HCFC1: variants seen among roughly 807,000 people sequenced by gnomAD.
HCFC1 encodes host cell factor 1.
A neutral mutation model predicts 105.5 loss-of-function variants in HCFC1; 7 were observed. The ratio of observed to expected loss-of-function variants is 0.07; its 90% CI spans 0.04 to 0.12. The LOEUF (loss-of-function observed/expected upper bound fraction) is 0.12. Among genes scored for constraint, HCFC1 ranks in the 10% least tolerant of loss-of-function variants. HCFC1 has a pLI of 1.00. For synonymous variants in HCFC1, 918 were observed against 828.1 expected, an observed-to-expected ratio of 1.11 and a Z score of -1.86; for missense variants, 1,065 against 1,823.6, an observed-to-expected ratio of 0.58 and a Z score of 7.58.
At chrX:153,966,226 C>T (rs782477125) in intron 1 of HCFC1, among the ~76,000 whole-genome samples, 1 of 110,860 alleles carries the variant, frequency 9.0e-6, no homozygotes, top group African/African-American at 3.3e-5. Flanking sequence ...AACAAACAAA[C>T]AAAAAAAACA....
chrX:153,956,356 C>A lies in HCFC1; in HGVS notation c.2691G>T (p.Ala897=), dbSNP rs374223163. The change falls in exon 16 of 26, where the codon GCG becomes GCT. Residue 897 remains alanine (A), a synonymous_variant. Coordinates refer to ENST00000310441, the MANE Select transcript of HCFC1 (RefSeq NM_005334.3). ...GGGAAGCACTAGTGCTGTGGCCCCCCGCCCCGGCAAGGCTGGTGGAGACGG... is the reference window on the plus strand; with the variant it reads ...GGGAAGCACTAGTGCTGTGGCCCCCAGCCCCGGCAAGGCTGGTGGAGACGG... ...TGTVSTSLAG[A]GGHSTSASLA... 1 of 1,210,831 alleles carries A rather than the reference C, an allele frequency of 8.3e-7. No individual in the cohort carries two copies. Among genetic ancestry groups the A allele is most frequent in the Non-Finnish European group, 1.1e-6 (1 of 895,227 alleles).
Position 153,958,269 on chromosome X carries a change from G to C in HCFC1, c.1804-20C>G. 3 of 1,161,597 alleles carry C rather than the reference G, an allele frequency of 2.6e-6. No homozygotes were observed. The highest frequency in any genetic ancestry group is 3.5e-6 in the Non-Finnish European group (3 of 850,756). On this transcript the variant is annotated intron_variant, in intron 10 of 25. Transcript: ENST00000310441. ...GCTCACCTGGAGGAGGCAGAGACGA[G>C]TGACAGGCCAGGCAAAGAAAGCGAT...
intron 1 of HCFC1, 89 bp downstream of exon 1, chrX:153,970,559 G>A (rs1298141930): frequency 2.9e-5 from 17 of 593,463 alleles, no homozygotes; most frequent in African/African-American, 5.1e-5. Flanking sequence ...GAGAGGGAGG[G>A]AGCAGATGGA....
At chrX:153,963,705 G>A (rs1374781780) in intron 3 of HCFC1, among the ~76,000 whole-genome samples, 2 of 112,867 alleles carry the variant, frequency 1.8e-5, no homozygotes, top group African/African-American at 6.4e-5. Flanking sequence ...ACAAAGCTGG[G>A]TATTATATGA....
chrX:153,964,937 C>T (rs911170527), intron 1 of HCFC1, among the ~76,000 whole-genome samples: 6 of 112,175 alleles, frequency 5.3e-5, no homozygotes, highest in African/African-American at 1.9e-4. Context: ...CCCTGCTTCT[C>T]GCCAAGGTCA....
At chrX:153,961,777 A>C in intron 5 of HCFC1, 129 bp from the exon 6 acceptor site, 1 of 510,986 alleles carries the variant, frequency 2.0e-6, no homozygotes. Context: ...GGATGCGTGA[A>C]GCCTCCTGAC....
intron 3 of HCFC1, 139 bp downstream of exon 3, chrX:153,963,983 GCT>G (rs2065452935): frequency 4.3e-6 from 2 of 465,190 alleles, no homozygotes; most frequent in African/African-American, 5.0e-5. Context: ...ATCCGGTGCC[GCT>G]CTCTCATTTA....
intron 1 of HCFC1, among the ~76,000 whole-genome samples, chrX:153,966,590 C>A (rs1312685034): frequency 8.9e-6 from 1 of 112,647 alleles, no homozygotes; most frequent in African/African-American, 3.2e-5. Flanking sequence ...GAGCTCCATG[C>A]AAGCTACCAG....
At chrX:153,952,265 A>C in intron 19 of HCFC1, 107 bp from the exon 20 acceptor site, 1 of 1,057,393 alleles carries the variant, frequency 9.5e-7, no homozygotes, top group Non-Finnish European at 1.2e-6. Flanking sequence ...TCCACCTCCT[A>C]CCGTGCTCCA....
At chrX:153,950,721 C>T in intron 23 of HCFC1, 92 bp downstream of exon 23, 3 of 982,797 alleles carry the variant, frequency 3.1e-6, no homozygotes, top group Non-Finnish European at 2.8e-6. Flanking sequence ...GACTCAAAAC[C>T]TAGCTCTCCT....
At chrX:153,964,016 AC>A in intron 3 of HCFC1, 107 bp downstream of exon 3, 1 of 658,113 alleles carries the variant, frequency 1.5e-6, no homozygotes, top group Non-Finnish European at 2.2e-6. Context: ...CGAGAAAGGG[AC>A]CCGGCCACGG....
Position 153,959,366 on chromosome X carries a change from G to T in HCFC1, c.1570C>A (p.Arg524=), listed in dbSNP as rs2065407537. 8.3e-7 allele frequency: 1 copy of T among 1,211,041 alleles called. No individual in the cohort carries two copies. The highest frequency in any genetic ancestry group is 1.1e-6 in the Non-Finnish European group (1 of 895,121). The part of the protein sequence containing the change: ...VTVTSLPAGV[R]MVVPTQSAQG... The stretch of plus-strand genomic sequence containing the variant: ...GCACTCTGTGTTGGCACAACCATCC[G>T]CACTCCGGCGGGAAGGGAGGTCACG... Residue 524 remains arginine, a synonymous_variant, in exon 9 of 26, where the codon CGG becomes AGG. Coordinates refer to ENST00000310441, the MANE Select transcript of HCFC1 (RefSeq NM_005334.3).
chrX:153,950,452 G>A lies in HCFC1; in HGVS notation c.5795C>T (p.Ser1932Leu). 8.3e-7 allele frequency: 1 copy of A among 1,206,960 alleles called. No homozygotes were observed. Residue 1932 changes from serine to leucine, a missense_variant, in exon 24 of 26, where the codon TCA becomes TTA. Ser to Leu is a moderately radical substitution (Grantham distance 145). Around this residue, in one of 17 missense-constraint regions of HCFC1, gnomAD observed 32 missense variants for 68.3 expected, o/e 0.47. Coordinates refer to ENST00000310441, the MANE Select transcript of HCFC1 (RefSeq NM_005334.3). ...GCTCTTGAGCTCGCCCCCAGCCTGT[G>A]AGCTCTGGATGGCCAGGTACACGGA... is the stretch of plus-strand genomic sequence containing the variant. ...EYSVYLAIQS[S>L]QAGGELKSST...
chrX:153,955,565 G>A, intron 16 of HCFC1, 23 bp from the exon 17 acceptor site: 1 of 1,157,290 alleles, frequency 8.6e-7, no homozygotes, highest in Non-Finnish European at 1.2e-6. Context: ...ACGAGGAGGA[G>A]AGTTAGTGCT....
chrX:153,961,698 G>T, intron 5 of HCFC1, 50 bp from the exon 6 acceptor site: 1 of 929,456 alleles, frequency 1.1e-6, no homozygotes, highest in Non-Finnish European at 1.5e-6. Context: ...TTGGTGCCAA[G>T]CTAGAGGCCA....
intron 16 of HCFC1, 49 bp from the exon 17 acceptor site, chrX:153,955,591 C>A (rs781809465): frequency 8.1e-5 from 90 of 1,104,919 alleles, no homozygotes; most frequent in Non-Finnish European, 1.1e-4. Flanking sequence ...TGGCTGTCTG[C>A]CTGTCCCTCC....
Position 153,957,524 on chromosome X carries a change from G to A in HCFC1, c.2143C>T (p.Pro715Ser). The A allele has an allele frequency of 1.7e-6, 2 of 1,199,381 alleles. No individual in the cohort carries two copies. The highest frequency in any genetic ancestry group is 2.3e-6 in the Non-Finnish European group (2 of 886,722). The stretch of plus-strand genomic sequence containing the variant: ...TTCAGGATTGTTCCCGCTGGCAGGG[G>A]CCCTTTGGTCTGAAAGGGGGAAGCA... ...PVTQIIQTKG[P>S]LPAGTILKLV... The change falls in exon 13 of 26, where the codon CCC (proline) becomes TCC (serine). Residue 715 changes from proline (P) to serine (S), a missense_variant. This residue lies in a region of HCFC1 where 137 missense variants were observed against 378.2 expected (regional missense o/e 0.36). Transcript: ENST00000310441.
At position 153,951,847 on chromosome X, in the gene HCFC1, T is replaced by C. The variant is rs1557112622; in HGVS notation, c.5254A>G (p.Thr1752Ala). Reference protein sequence around the residue: ...STVALLPSTATESLAPSNTFV... With the variant: ...STVALLPSTAAESLAPSNTFV... The stretch of plus-strand genomic sequence containing the variant: ...TTCGCCCTCAGTCGCTTACTCTCAG[T>C]GGCCGTTGAGGGCAGCAGCGCCACA... Residue 1752 changes from threonine to alanine, a missense_variant, in exon 20 of 26, where the codon ACT becomes GCT. Physicochemically the swap from Thr to Ala is moderately conservative, Grantham distance 58. Transcript: ENST00000310441. 2 of 1,192,536 alleles carry C rather than the reference T, an allele frequency of 1.7e-6. No individual in the cohort carries two copies. The highest frequency in any genetic ancestry group is 1.7e-5 in the African/African-American group (1 of 57,636).
At position 153,960,098 on chromosome X, in the gene HCFC1, C is replaced by T; in HGVS notation, c.1148G>A (p.Ser383Asn). The change falls in exon 8 of 26, where the codon AGC becomes AAC. Residue 383 changes from serine (S) to asparagine (N), a missense_variant. Ser to Asn is a conservative substitution (Grantham distance 46). This residue lies in a region of HCFC1 where 101 missense variants were observed against 155.1 expected (regional missense o/e 0.65). Coordinates refer to ENST00000310441, the MANE Select transcript of HCFC1 (RefSeq NM_005334.3). ...GTCGGCTGTTGCCACTGCCCCCCAG[C>T]TCACCTCCAGGGAGTTGGTGTTGGC... Reference protein sequence around the residue: ...VRANTNSLEVSWGAVATADSY... With the variant: ...VRANTNSLEVNWGAVATADSY... 1 of 1,211,662 alleles carries T rather than the reference C, an allele frequency of 8.3e-7. No homozygotes were observed. Among genetic ancestry groups the T allele is most frequent in the Non-Finnish European group, 1.1e-6 (1 of 895,343 alleles).
Sources: gnomAD v4.1 joint callset for allele counts (sites outside exome capture counted in the v4.1 genomes callset) on GRCh38, gnomAD v4.1.1 for gene constraint, gnomAD v4.1.1 regional missense constraint, MANE v1.5 for transcripts, NCBI Gene and HGNC (gene_info 2026-07-23, HGNC 2026-07-21) for gene names.